The following KIAA1958 variants were observed in gnomAD, a reference collection of about 807,000 sequenced individuals.
The protein encoded by KIAA1958 is KIAA1958.
In KIAA1958, 14 loss-of-function variants were observed where a neutral mutation model predicts 47.2. The ratio of observed to expected loss-of-function variants is 0.30; its 90% confidence interval spans 0.20 to 0.46. The LOEUF is 0.46. Ranked by LOEUF, KIAA1958 falls within the 20% of genes least tolerant of loss-of-function variation. The pLI, the probability that KIAA1958 is intolerant of heterozygous loss-of-function variation, is 1.00. For missense variants in KIAA1958, 803 were observed against 909.2 expected (o/e 0.88, Z 1.50); for synonymous variants, 354 against 353.3 (o/e 1.00, Z -0.02).
At chr9:112,631,313 A>C (rs1035714446) in intron 2 of KIAA1958, among the ~76,000 whole-genome samples, 3 of 152,138 alleles carry the variant, frequency 2.0e-5, no homozygotes, top group Non-Finnish European at 2.9e-5. Context: ...ACTTGAGCCC[A>C]GGGGTTCAAG....
intron 3 of KIAA1958, among the ~76,000 whole-genome samples, chr9:112,653,806 A>G (rs1837102160): frequency 6.6e-6 from 1 of 152,170 alleles, no homozygotes; most frequent in South Asian, 2.1e-4. Context: ...AGGTTGAGGC[A>G]AGAGAATCGC....
At chr9:112,521,351 C>T (rs1301265825) in intron 1 of KIAA1958, among the ~76,000 whole-genome samples, 1 of 151,886 alleles carries the variant, frequency 6.6e-6, no homozygotes, top group Non-Finnish European at 1.5e-5. Context: ...TAGCTGGGAC[C>T]ACAGGTGTGT....
intron 2 of KIAA1958, among the ~76,000 whole-genome samples, chr9:112,620,676 T>C (rs1400911119): frequency 5.3e-5 from 8 of 152,166 alleles, no homozygotes; most frequent in African/African-American, 1.4e-4. Flanking sequence ...AATGTCTTGC[T>C]TTATGTTTTT....
chr9:112,584,953 T>C (rs1835799160), intron 2 of KIAA1958, among the ~76,000 whole-genome samples: 1 of 152,228 alleles, frequency 6.6e-6, no homozygotes, highest in South Asian at 2.1e-4. Context: ...TCTCCTTTTA[T>C]GTCACATCAT....
chr9:112,512,395 A>G (rs982811218), intron 1 of KIAA1958, among the ~76,000 whole-genome samples: 2 of 152,208 alleles, frequency 1.3e-5, no homozygotes, highest in South Asian at 2.1e-4. Context: ...AAAGAAAACC[A>G]TATGATCATT....
At chr9:112,586,494 A>G (rs1364356834) in intron 2 of KIAA1958, among the ~76,000 whole-genome samples, 6 of 152,186 alleles carry the variant, frequency 3.9e-5, no homozygotes, top group Admixed American at 3.3e-4. Flanking sequence ...TTATGTTTCA[A>G]TAGCTTTTTA....
At chr9:112,595,355 T>G (rs571672765) in intron 2 of KIAA1958, among the ~76,000 whole-genome samples, 2 of 152,310 alleles carry the variant, frequency 1.3e-5, no homozygotes, top group South Asian at 2.1e-4. Context: ...TTCCTGATTT[T>G]TATTTAATCT....
chr9:112,584,443 G>A (rs1443413165), intron 2 of KIAA1958, among the ~76,000 whole-genome samples: 2 of 152,256 alleles, frequency 1.3e-5, no homozygotes, highest in East Asian at 1.9e-4. Context: ...GAATATTTAC[G>A]AAGGCATTGT....
At position 112,645,595 on chromosome 9, in the gene KIAA1958, C is replaced by A; in HGVS notation, c.1172-55C>A. 4 of 1,215,804 alleles carry A rather than the reference C, an allele frequency of 3.3e-6. No homozygotes were observed. In the South Asian group the frequency reaches 4.4e-5, roughly 13 times the overall value. 75.3% of individuals were successfully genotyped at this position (1,215,804 alleles called of 1,614,324 possible). On this transcript the variant is annotated intron_variant, in intron 2 of 3. Coordinates refer to ENST00000337530, the MANE Select transcript of KIAA1958 (RefSeq NM_133465.4). ...TTATTTATCATCCCAAGATGTAATT[C>A]TCTAAAGAAGGGAATGGCAAATTAT...
intron 1 of KIAA1958, among the ~76,000 whole-genome samples, chr9:112,528,382 G>T (rs561785140): frequency 6.6e-6 from 1 of 152,242 alleles, no homozygotes; most frequent in South Asian, 2.1e-4. Context: ...CTACCACCCT[G>T]TGCAGGGTTA....
At chr9:112,488,481 C>G (rs116573574) in intron 1 of KIAA1958, among the ~76,000 whole-genome samples, 1,897 of 152,102 alleles carry the variant, frequency 0.012, 45 homozygotes, top group African/African-American at 0.043. Flanking sequence ...GGATTTATGC[C>G]TGTATCAATC....
At chr9:112,543,018 T>C (rs770811739) in intron 1 of KIAA1958, among the ~76,000 whole-genome samples, 3 of 152,058 alleles carry the variant, frequency 2.0e-5, no homozygotes, top group Non-Finnish European at 2.9e-5. Flanking sequence ...GCTTCGGGAG[T>C]TCCTCACTTC....
intron 3 of KIAA1958, among the ~76,000 whole-genome samples, chr9:112,658,125 G>A (rs953597578): frequency 6.6e-6 from 1 of 152,132 alleles, no homozygotes; most frequent in African/African-American, 2.4e-5. Context: ...TCTAAGTGTT[G>A]GGATTACAGG....
intron 1 of KIAA1958, among the ~76,000 whole-genome samples, chr9:112,503,978 T>C (rs1834189465): frequency 6.6e-6 from 1 of 151,780 alleles, no homozygotes; most frequent in Non-Finnish European, 1.5e-5. Flanking sequence ...GGCTATATTT[T>C]ATAATAAGCA....
At chr9:112,645,935 A>G (rs1836967698) in intron 3 of KIAA1958, 113 bp downstream of exon 3, 2 of 747,362 alleles carry the variant, frequency 2.7e-6, no homozygotes, top group Admixed American at 3.5e-5. Flanking sequence ...GCCTGGGGAA[A>G]CTTTGGAAGA....
In KIAA1958 at chr9:112,663,113, G is replaced by GAA. The variant is rs1837306116; in HGVS notation, c.*3044_*3045insAA. On this transcript the variant is annotated 3_prime_UTR_variant, in exon 4 of 4. Coordinates refer to ENST00000337530, the MANE Select transcript of KIAA1958 (RefSeq NM_133465.4). ...GTTGACTGAAGCACAAGTTGCCCCTGGGCTCTGTGTCAAGGCTGGTGGTAC... is the reference window on the plus strand; with the variant it reads ...GTTGACTGAAGCACAAGTTGCCCCTGAAGGCTCTGTGTCAAGGCTGGTGGTAC... 6.6e-6 allele frequency: 1 copy of GAA among 152,238 alleles called. No homozygotes were observed. Among genetic ancestry groups the GAA allele is most frequent in the Non-Finnish European group, 1.5e-5 (1 of 68,076 alleles). The allele number at this position is 152,238 out of a possible 1,614,324, so 9.4% of individuals were successfully genotyped here.
intron 2 of KIAA1958, among the ~76,000 whole-genome samples, chr9:112,608,995 A>T (rs951644384): frequency 1.3e-5 from 2 of 152,238 alleles, no homozygotes; most frequent in Non-Finnish European, 2.9e-5. Context: ...CTAAAAGGAG[A>T]TACTGAAATA....
At chr9:112,654,530 C>T (rs187724810) in intron 3 of KIAA1958, among the ~76,000 whole-genome samples, 110 of 152,074 alleles carry the variant, frequency 7.2e-4, no homozygotes, top group South Asian at 1.2e-3. Context: ...GAAGCAGAGG[C>T]GAAAGATGAG....
At chr9:112,609,765 T>C (rs1409057169) in intron 2 of KIAA1958, among the ~76,000 whole-genome samples, 1 of 152,132 alleles carries the variant, frequency 6.6e-6, no homozygotes, top group East Asian at 1.9e-4. Context: ...TTGCCCAGGC[T>C]GATCTCCAAC....
Sources: gnomAD v4.1 joint callset for allele counts (sites outside exome capture counted in the v4.1 genomes callset) on GRCh38, gnomAD v4.1.1 for gene constraint, MANE v1.5 for transcripts, NCBI Gene and HGNC (gene_info 2026-07-23, HGNC 2026-07-21) for gene names.